Variants in FAAP20 observed in about 807,000 individuals in gnomAD.
The protein encoded by FAAP20 is FA core complex associated protein 20, also known as Fanconi anemia core complex-associated protein 20.
FAAP20 carries 12 observed loss-of-function variants against 16.2 expected under a neutral mutation model. The ratio of observed to expected loss-of-function variants is 0.74; its 90% CI spans 0.48 to 1.20. The LOEUF is 1.20. Among genes scored for constraint, FAAP20 ranks in the 50% most tolerant of loss-of-function variants. The pLI is 0.00. For missense variants in FAAP20, 288 were observed against 245.8 expected, an observed-to-expected ratio of 1.17 and a Z score of -1.15; for synonymous variants, 141 against 110.7, an observed-to-expected ratio of 1.27 and a Z score of -1.72.
At chr1:2,194,642 G>C in intron 1 of FAAP20, 46 bp downstream of exon 1, 3 of 1,061,468 alleles carry the variant, frequency 2.8e-6, no homozygotes, top group East Asian at 4.6e-5. Context: ...GGAAGCACGT[G>C]GGAGCGGGAA....
At chr1:2,201,056 C>T (rs1476240794), upstream of FAAP20, 4 of 1,289,052 alleles carry the variant, frequency 3.1e-6, no homozygotes, top group Middle Eastern at 2.3e-4. Flanking sequence ...TCACCTGTGG[C>T]GCACAGGTTT....
downstream of FAAP20, among the ~76,000 whole-genome samples, chr1:2,210,997 C>T (rs117992657): frequency 1.5e-3 from 228 of 152,278 alleles, 10 homozygotes; most frequent in East Asian, 0.038. Flanking sequence ...GGCCCTGCAG[C>T]GCCTGTCTTG....
rs772681827 is a variant in FAAP20 at position 2,193,724 on chromosome 1, C to A, written c.385G>T (p.Ala129Ser). The change falls in exon 3 of 4, where the codon GCC becomes TCC. Residue 129 changes from alanine (A) to serine (S), a missense_variant. Transcript: ENST00000378546. ...PQRPAPDPCR[A>S]PRVEQQPSVE... The stretch of plus-strand genomic sequence containing the variant: ...GACGGCTGCTGCTCCACCCTGGGGG[C>A]CCTGCAGGGATCAGGTGCCGGGCGC... 78 of 1,592,720 alleles carry A rather than the reference C, an allele frequency of 4.9e-5. 1 individual carries two copies. In the East Asian group the frequency reaches 1.7e-3, roughly 35 times the overall value.
At chr1:2,193,453 G>A in intron 3 of FAAP20, 186 bp downstream of exon 3, 2 of 905,444 alleles carry the variant, frequency 2.2e-6, no homozygotes, top group Middle Eastern at 3.5e-4. Flanking sequence ...CGGCAAGCAG[G>A]TGGACCCCAG....
downstream of FAAP20, chr1:2,185,627 A>G: frequency 1.5e-6 from 1 of 652,656 alleles, no homozygotes; most frequent in Non-Finnish European, 2.8e-6. Context: ...GTGACACCTT[A>G]AGCAGATGGC....
At chr1:2,202,680 T>C (rs576923091), upstream of FAAP20, among the ~76,000 whole-genome samples, 1 of 152,188 alleles carries the variant, frequency 6.6e-6, no homozygotes, top group African/African-American at 2.4e-5. Flanking sequence ...TTTGCCATGT[T>C]GCCCAGGCTG....
downstream of FAAP20, among the ~76,000 whole-genome samples, chr1:2,211,746 G>T (rs1314624031): frequency 6.6e-6 from 1 of 151,180 alleles, no homozygotes; most frequent in Non-Finnish European, 1.5e-5. Flanking sequence ...ACCGTGCCCG[G>T]CCAGTTTTTT....
downstream of FAAP20, chr1:2,185,314 CAG>C (rs942172227): frequency 5.8e-5 from 42 of 718,588 alleles, no homozygotes; most frequent in Non-Finnish European, 1.0e-4. Context: ...TCCACGGAAA[CAG>C]AACTCGATGC....
upstream of FAAP20, among the ~76,000 whole-genome samples, chr1:2,197,040 G>A (rs1688855581): frequency 6.6e-6 from 1 of 152,134 alleles, no homozygotes; most frequent in Non-Finnish European, 1.5e-5. Context: ...ATGGTCCAGT[G>A]CCCTCCTGCC....
upstream of FAAP20, chr1:2,200,808 G>C (rs1689019196): frequency 9.9e-7 from 1 of 1,013,668 alleles, no homozygotes; most frequent in Admixed American, 5.6e-5. Context: ...CCAAGAGCTG[G>C]AAGGGGGCCC....
At chr1:2,198,560 G>A, upstream of FAAP20, 1 of 778,184 alleles carries the variant, frequency 1.3e-6, no homozygotes, top group Non-Finnish European at 1.8e-6. Context: ...TGCAAATCAG[G>A]CTAAGACAGC....
At chr1:2,187,605 G>A (rs1486093987), downstream of FAAP20, among the ~76,000 whole-genome samples, 1 of 152,138 alleles carries the variant, frequency 6.6e-6, no homozygotes, top group Non-Finnish European at 1.5e-5. Flanking sequence ...CGCCCGGCCT[G>A]AAGCCATTTT....
At chr1:2,208,103 G>A (rs1689332269), downstream of FAAP20, among the ~76,000 whole-genome samples, 2 of 152,180 alleles carry the variant, frequency 1.3e-5, no homozygotes. Context: ...GGGAAACTGA[G>A]GCGTGGGAGG....
chr1:2,201,153 A>G (rs1439646432), upstream of FAAP20: 4 of 1,276,518 alleles, frequency 3.1e-6, no homozygotes, highest in Non-Finnish European at 4.1e-6. Context: ...GTTTGCTTCA[A>G]CTTTCTGAGT....
chr1:2,193,864 G>A lies in FAAP20; in HGVS notation c.245C>T (p.Pro82Leu), dbSNP rs1688544161. ...AAAGGGTGTCCAGGAAAAGGTCTTG[G>A]GTCCGACAGTGAAGACTTCAGTGGG... ...PEPTEVFTVGPKTFSWTPFPP... is the reference protein window; with the variant it reads ...PEPTEVFTVGLKTFSWTPFPP... Residue 82 changes from proline (P) to leucine (L), a missense_variant, in exon 3 of 4, where the codon CCC becomes CTC. Transcript: ENST00000378546. 1 of 1,612,482 alleles carries A rather than the reference G, an allele frequency of 6.2e-7. No individual in the cohort carries two copies. Among genetic ancestry groups the A allele is most frequent in the Non-Finnish European group, 8.5e-7 (1 of 1,179,846 alleles).
chr1:2,191,777 C>G, intron 3 of FAAP20: 1 of 964,598 alleles, frequency 1.0e-6, no homozygotes, highest in African/African-American at 1.8e-5. Flanking sequence ...AACCCAGGGC[C>G]TCGCCACATC....
downstream of FAAP20, chr1:2,207,781 C>G (rs1215046170): frequency 6.6e-6 from 1 of 152,434 alleles, no homozygotes; most frequent in Non-Finnish European, 1.5e-5. Flanking sequence ...GAGCTCTGTC[C>G]CGGCTCCAGT....
downstream of FAAP20, chr1:2,186,709 C>T (rs1049431142): frequency 1.3e-5 from 2 of 154,004 alleles, no homozygotes; most frequent in Non-Finnish European, 2.9e-5. Context: ...TGAAGTTACA[C>T]CTGCCGGGTG....
At chr1:2,203,360 C>T (rs1689121331), upstream of FAAP20, 1 of 952,770 alleles carries the variant, frequency 1.0e-6, no homozygotes, top group Non-Finnish European at 1.2e-6. Flanking sequence ...GGACACCCCT[C>T]CGCAGTCAGG....
Sources: gnomAD v4.1 joint callset for allele counts (sites outside exome capture counted in the v4.1 genomes callset) on GRCh38, gnomAD v4.1.1 for gene constraint, MANE v1.5 for transcripts, NCBI Gene and HGNC (gene_info 2026-07-23, HGNC 2026-07-21) for gene names.